Variants in EI24 observed in about 807,000 individuals in gnomAD.
The protein encoded by EI24 is etoposide-induced protein 2.4 homolog.
In EI24, 21 loss-of-function variants were observed where a neutral mutation model predicts 48.6. The observed-to-expected ratio is 0.43, with a 90% CI of 0.31 to 0.62. EI24 has a LOEUF of 0.62. Ranked by LOEUF, EI24 falls within the 20% of genes least tolerant of loss-of-function variation. EI24 has a pLI of 0.10. For synonymous variants in EI24, 114 were observed against 145.5 expected, an observed-to-expected ratio of 0.78 and a Z score of 1.56; for missense variants, 280 against 410.5, an observed-to-expected ratio of 0.68 and a Z score of 2.75.
intron 4 of EI24, among the ~76,000 whole-genome samples, 155 bp from the exon 5 acceptor site, chr11:125,577,349 C>T (rs994496399): frequency 6.6e-6 from 1 of 152,192 alleles, no homozygotes; most frequent in African/African-American, 2.4e-5. Flanking sequence ...GCCTTGGCCT[C>T]TCAAAGTGAA....
intron 3 of EI24, chr11:125,575,684 A>G (rs73017785): frequency 0.011 from 2,913 of 258,086 alleles, 26 homozygotes; most frequent in Non-Finnish European, 0.015. Context: ...ATGTATTAAT[A>G]GAAGAACCCT....
chr11:125,583,692 C>T lies in EI24; in HGVS notation c.*9C>T. 4 of 1,610,208 alleles carry T rather than the reference C, an allele frequency of 2.5e-6. No individual in the cohort carries two copies. Among genetic ancestry groups the T allele is most frequent in the Non-Finnish European group, 2.5e-6 (3 of 1,178,206 alleles). On this transcript the variant is annotated 3_prime_UTR_variant, in exon 11 of 11. Coordinates refer to ENST00000278903, the MANE Select transcript of EI24 (RefSeq NM_004879.5). ...CTACTGCAGGTCACTGAGTTGCCTG[C>T]CATCCAAAGGGGATGGGCGGGATTG...
intron 7 of EI24, among the ~76,000 whole-genome samples, chr11:125,579,414 C>T (rs1309311118): frequency 6.6e-6 from 1 of 151,504 alleles, no homozygotes; most frequent in Non-Finnish European, 1.5e-5. Context: ...GCCTGTGATC[C>T]CAGCACTTTG....
intron 2 of EI24, chr11:125,574,569 A>T (rs1024315507): frequency 1.3e-5 from 2 of 152,236 alleles, no homozygotes; most frequent in African/African-American, 4.8e-5. Context: ...GTTTTGTCTG[A>T]TAACAGTAGA....
intron 4 of EI24, among the ~76,000 whole-genome samples, chr11:125,576,760 C>T (rs2135859643): frequency 6.6e-6 from 1 of 152,270 alleles, no homozygotes; most frequent in Middle Eastern, 3.4e-3. Flanking sequence ...TACTGAGAAT[C>T]CCAGTGCAGG....
At chr11:125,572,019 C>T (rs1347218927) in intron 1 of EI24, among the ~76,000 whole-genome samples, 1 of 152,076 alleles carries the variant, frequency 6.6e-6, no homozygotes, top group East Asian at 1.9e-4. Context: ...TTATCTTGCT[C>T]TTGTATTTTC....
intron 9 of EI24, among the ~76,000 whole-genome samples, chr11:125,581,932 T>C (rs1254051876): frequency 1.3e-5 from 2 of 152,016 alleles, no homozygotes; most frequent in Non-Finnish European, 2.9e-5. Flanking sequence ...GTGCCACGGC[T>C]CACGCCTGTA....
Position 125,581,537 on chromosome 11 carries a change from C to CTTTTTTTTT in EI24, c.785+234_785+242dup, listed in dbSNP as rs33956827. Among the ~76,000 whole-genome samples, 10 of 50,746 alleles carry CTTTTTTTTT rather than the reference C, an allele frequency of 2.0e-4. 2 individuals are homozygous for CTTTTTTTTT. Among genetic ancestry groups the CTTTTTTTTT allele is most frequent in the Non-Finnish European group, 2.4e-4 (7 of 29,620 alleles). The allele number at this position is 50,746 out of a possible 152,430, so 33.3% of individuals were successfully genotyped here. A position where few individuals can be genotyped will look rare whatever the true frequency, so the allele number is the denominator to read the frequency against. The stretch of plus-strand genomic sequence containing the variant: ...TATGTTGCCTCCTGAAGCAATTATT[C>CTTTTTTTTT]TTTTTTTTTTTTTTTTTTTTTTTTT... On this transcript the variant is annotated intron_variant, in intron 9 of 10. Transcript: ENST00000278903.
In EI24 at chr11:125,583,681, T is replaced by G. The variant is rs771481834; in HGVS notation, c.1021T>G (p.Ter341GlyextTer61). ...PAKLKATAGH[*>G] ...CAAACTGAAGGCTACTGCAGGTCAC[T>G]GAGTTGCCTGCCATCCAAAGGGGAT... is the stretch of plus-strand genomic sequence containing the variant. Residue 341 changes from the stop codon to glycine, a stop_lost, in exon 11 of 11, where the codon TGA becomes GGA. Transcript: ENST00000278903. The G allele has an allele frequency of 1.9e-6, 3 of 1,611,748 alleles. No individual in the cohort carries two copies. The highest frequency in any genetic ancestry group is 2.5e-6 in the Non-Finnish European group (3 of 1,179,038).
intron 2 of EI24, among the ~76,000 whole-genome samples, chr11:125,573,726 G>A (rs577596856): frequency 1.7e-5 from 2 of 117,300 alleles, no homozygotes; most frequent in Non-Finnish European, 3.2e-5. Flanking sequence ...GTGTCGCCCA[G>A]GCTGGAGGGC....
intron 10 of EI24, among the ~76,000 whole-genome samples, 181 bp downstream of exon 10, chr11:125,582,601 C>G (rs1363661360): frequency 6.6e-6 from 1 of 152,128 alleles, no homozygotes; most frequent in East Asian, 1.9e-4. Context: ...CATATATGCA[C>G]ATGAGTATAT....
At chr11:125,575,848 G>A in intron 3 of EI24, 1 of 388,976 alleles carries the variant, frequency 2.6e-6, no homozygotes, top group Non-Finnish European at 5.2e-6. Context: ...GATTGCCGTG[G>A]TGCAATCTCA....
Position 125,573,462 on chromosome 11 carries a change from G to C in EI24, c.42+893G>C, listed in dbSNP as rs546539498. ...GAAGAGTTTAAAAGGTTACCTTTATGGCCAGGGGAGGTGGCTCACAGCTGT... is the reference window on the plus strand; with the variant it reads ...GAAGAGTTTAAAAGGTTACCTTTATCGCCAGGGGAGGTGGCTCACAGCTGT... On this transcript the variant is annotated intron_variant, in intron 2 of 10. Coordinates refer to ENST00000278903, the MANE Select transcript of EI24 (RefSeq NM_004879.5). 9 of 292,434 alleles carry C rather than the reference G, an allele frequency of 3.1e-5. No homozygotes were observed. The East Asian group carries it at 6.4e-4, about 21-fold the overall frequency. 18.1% of individuals were successfully genotyped at this position (292,434 alleles called of 1,614,324 possible).
rs1352457156 is a variant in EI24, at chr11:125,578,936, T to G, written c.442-13T>G. The G allele has an allele frequency of 1.3e-6, 2 of 1,567,470 alleles. No homozygotes were observed. The highest frequency in any genetic ancestry group is 4.6e-5 in the East Asian group (2 of 43,126). On this transcript the variant is annotated splice_polypyrimidine_tract_variant and intron_variant, in intron 6 of 10. Coordinates refer to ENST00000278903, the MANE Select transcript of EI24 (RefSeq NM_004879.5). The stretch of plus-strand genomic sequence containing the variant: ...CATTTAATTCATGTTTTGGTACACT[T>G]TCTCTGTTACAGGATATAGCTGACC...
At chr11:125,579,897 CAA>C (rs2135868209) in intron 7 of EI24, among the ~76,000 whole-genome samples, 194 bp from the exon 8 acceptor site, 1 of 152,202 alleles carries the variant, frequency 6.6e-6, no homozygotes, top group South Asian at 2.1e-4. Context: ...CTCTTGGCCT[CAA>C]GAGATCCTCC....
At chr11:125,575,668 G>A (rs1938712558) in intron 3 of EI24, 2 of 267,288 alleles carry the variant, frequency 7.5e-6, no homozygotes, top group South Asian at 4.7e-5. Flanking sequence ...AAGCCTGTGT[G>A]GATTTATGTA....
chr11:125,578,846 C>T, intron 6 of EI24, 103 bp from the exon 7 acceptor site: 1 of 1,356,898 alleles, frequency 7.4e-7, no homozygotes, highest in South Asian at 1.4e-5. Flanking sequence ...TTAAATAAGC[C>T]TTTTCTTAAC....
chr11:125,581,716 T>G (rs912315287), intron 9 of EI24, among the ~76,000 whole-genome samples: 1 of 151,282 alleles, frequency 6.6e-6, no homozygotes, highest in Non-Finnish European at 1.5e-5. Flanking sequence ...CTAGCTAATT[T>G]TTGTGTTTTT....
intron 2 of EI24, among the ~76,000 whole-genome samples, chr11:125,574,558 C>G (rs1037099190): frequency 2.6e-5 from 4 of 152,188 alleles, no homozygotes; most frequent in African/African-American, 7.2e-5. Flanking sequence ...TTCTAAAATT[C>G]GTTTTGTCTG....
Sources: gnomAD v4.1 joint callset for allele counts (sites outside exome capture counted in the v4.1 genomes callset) on GRCh38, gnomAD v4.1.1 for gene constraint, MANE v1.5 for transcripts, NCBI Gene and HGNC (gene_info 2026-07-23, HGNC 2026-07-21) for gene names.